Variants in SLC49A4 observed in about 807,000 individuals in gnomAD.
The protein encoded by SLC49A4 is disrupted in renal cancer protein 2.
Under a neutral mutation model 50.6 loss-of-function variants are expected in SLC49A4, and 36 were observed. The observed-to-expected ratio is 0.71, with a 90% CI of 0.55 to 0.94. The LOEUF (loss-of-function observed/expected upper bound fraction) is 0.94, where lower values mean the gene tolerates loss of function less well. SLC49A4 is among the 40% of genes least tolerant of loss of function. The pLI is 0.00. For missense variants in SLC49A4, 503 were observed against 605.7 expected (o/e 0.83, Z 1.78); for synonymous variants, 248 against 241.2 (o/e 1.03, Z -0.26).
intron 8 of SLC49A4, among the ~76,000 whole-genome samples, chr3:122,875,757 A>G (rs1254031116): frequency 1.3e-5 from 2 of 152,236 alleles, no homozygotes; most frequent in Non-Finnish European, 2.9e-5. Context: ...ACAGTGTGCT[A>G]TCTGATAAAT....
chr3:122,835,329 A>G (rs775553192), intron 4 of SLC49A4, among the ~76,000 whole-genome samples: 4 of 152,282 alleles, frequency 2.6e-5, no homozygotes, highest in Admixed American at 1.3e-4. Context: ...AAAAAAGAAA[A>G]CTACAGGCCA....
rs557579560 is a variant in SLC49A4 at position 122,836,895 on chromosome 3, C to T, written c.833+3449C>T. ...GGATACAAAATTAATGTACAAAAAT[C>T]ACAAGCATTCTTATACACCAATAGC... is the stretch of plus-strand genomic sequence containing the variant. On this transcript the variant is annotated intron_variant, in intron 4 of 8. Transcript: ENST00000261038. 3.9e-5 allele frequency among the ~76,000 whole-genome samples: 6 copies of T among 152,256 alleles called. No individual in the cohort carries two copies. The South Asian group carries it at 1.2e-3, about 32-fold the overall frequency.
chr3:122,823,412 T>C (rs185350840), intron 2 of SLC49A4, among the ~76,000 whole-genome samples: 174 of 152,368 alleles, frequency 1.1e-3, no homozygotes, highest in Non-Finnish European at 2.0e-3. Context: ...ACTCTTGTCA[T>C]AGGCAGCATA....
At chr3:122,822,531 C>T (rs1936468067) in intron 2 of SLC49A4, among the ~76,000 whole-genome samples, 1 of 152,192 alleles carries the variant, frequency 6.6e-6, no homozygotes, top group Non-Finnish European at 1.5e-5. Context: ...GAAACTGCTT[C>T]TACTCAGACC....
At chr3:122,828,876 T>C (rs1240554852) in intron 3 of SLC49A4, among the ~76,000 whole-genome samples, 1 of 152,204 alleles carries the variant, frequency 6.6e-6, no homozygotes, top group African/African-American at 2.4e-5. Context: ...AAGCAATGAT[T>C]GTATTTTTTA....
At chr3:122,827,235 A>T (rs555921096) in intron 3 of SLC49A4, among the ~76,000 whole-genome samples, 170 bp downstream of exon 3, 1 of 152,294 alleles carries the variant, frequency 6.6e-6, no homozygotes, top group South Asian at 2.1e-4. Context: ...GCTTAATTAA[A>T]ACTGAACACT....
chr3:122,869,945 A>G lies in SLC49A4; in HGVS notation c.1139-2470A>G, dbSNP rs563313999. Among the ~76,000 whole-genome samples, 21 of 152,320 alleles carry G rather than the reference A, an allele frequency of 1.4e-4. 1 individual carries two copies. The Middle Eastern group carries it at 0.017, about 123-fold the overall frequency. The stretch of plus-strand genomic sequence containing the variant: ...TCTTTGTACCATGCTTGATTTAAAA[A>G]ATCATTAAAGTCAAATCTCTCTTTT... On this transcript the variant is annotated intron_variant, in intron 7 of 8. Coordinates refer to ENST00000261038, the MANE Select transcript of SLC49A4 (RefSeq NM_032839.3).
intron 1 of SLC49A4, among the ~76,000 whole-genome samples, chr3:122,799,978 A>G (rs1391774832): frequency 1.3e-5 from 2 of 152,354 alleles, no homozygotes; most frequent in Non-Finnish European, 2.9e-5. Context: ...TGAAATGCCT[A>G]TTAGATACCC....
chr3:122,844,680 G>A (rs566239941), intron 4 of SLC49A4, among the ~76,000 whole-genome samples: 30 of 152,064 alleles, frequency 2.0e-4, no homozygotes, highest in African/African-American at 6.3e-4. Flanking sequence ...TCTTTGGGAG[G>A]CTGAGGCAGG....
intron 6 of SLC49A4, among the ~76,000 whole-genome samples, chr3:122,858,128 G>A (rs1937010660): frequency 6.6e-6 from 1 of 152,128 alleles, no homozygotes; most frequent in South Asian, 2.1e-4. Flanking sequence ...TGAGTGCTTT[G>A]GGTGATATTT....
intron 4 of SLC49A4, among the ~76,000 whole-genome samples, chr3:122,835,606 C>G (rs1212183325): frequency 6.6e-6 from 1 of 151,870 alleles, no homozygotes; most frequent in African/African-American, 2.4e-5. Flanking sequence ...AAGGGACATA[C>G]TTCAAAATAA....
At chr3:122,858,520 G>T (rs905256086) in intron 6 of SLC49A4, among the ~76,000 whole-genome samples, 2 of 152,062 alleles carry the variant, frequency 1.3e-5, no homozygotes, top group African/African-American at 4.8e-5. Context: ...TTAAGTCACT[G>T]GGCAAAAGTG....
Position 122,879,359 on chromosome 3 carries a change from A to G in SLC49A4, c.1418A>G (p.Asp473Gly). 1 of 1,613,540 alleles carries G rather than the reference A, an allele frequency of 6.2e-7. No individual in the cohort carries two copies. Among genetic ancestry groups the G allele is most frequent in the Non-Finnish European group, 8.5e-7 (1 of 1,179,622 alleles). Residue 473 changes from aspartate (D) to glycine (G), a missense_variant, in exon 9 of 9, where the codon GAT becomes GGT. Coordinates refer to ENST00000261038, the MANE Select transcript of SLC49A4 (RefSeq NM_032839.3). ...FRESYDRLYL[D>G]VVVSV ...GAATCCTATGACAGACTCTATCTTG[A>G]TGTGGTTGTCTCCGTTTAATAGCAC...
rs747509104 is a variant in SLC49A4 at position 122,860,174 on chromosome 3, C to T, written c.1110C>T (p.Asn370=). ...CGTGGTTCACCCTGACCTGTTTGAA[C>T]AGCATCACACACCTACCTTTAACCA... ...SSTWFTLTCL[N]SITHLPLTTV... The change falls in exon 7 of 9, where the codon AAC becomes AAT. Residue 370 remains asparagine (N), a synonymous_variant. Transcript: ENST00000261038. 1 of 1,609,780 alleles carries T rather than the reference C, an allele frequency of 6.2e-7. No individual in the cohort carries two copies.
intron 2 of SLC49A4, 120 bp downstream of exon 2, chr3:122,807,070 ATTAAT>A (rs766640057): frequency 3.6e-5 from 20 of 549,490 alleles, no homozygotes; most frequent in Admixed American, 7.5e-5. Context: ...CTATATGATG[ATTAAT>A]TTAATTGATA....
intron 7 of SLC49A4, among the ~76,000 whole-genome samples, chr3:122,866,037 A>G (rs920951850): frequency 1.3e-5 from 2 of 151,766 alleles, no homozygotes; most frequent in African/African-American, 2.4e-5. Flanking sequence ...TTTTTTGTTT[A>G]TTTGTTTTTC....
chr3:122,836,752 A>T (rs1396057658), intron 4 of SLC49A4, among the ~76,000 whole-genome samples: 11 of 152,196 alleles, frequency 7.2e-5, no homozygotes, highest in African/African-American at 2.7e-4. Context: ...GTATTCAATT[A>T]GGAAAAGAGG....
At chr3:122,821,481 A>T (rs1936451749) in intron 2 of SLC49A4, among the ~76,000 whole-genome samples, 1 of 152,236 alleles carries the variant, frequency 6.6e-6, no homozygotes, top group Non-Finnish European at 1.5e-5. Context: ...GGAGGCACAC[A>T]TCTGCTTCCT....
intron 7 of SLC49A4, among the ~76,000 whole-genome samples, chr3:122,868,102 G>A (rs1215354452): frequency 4.0e-5 from 6 of 151,020 alleles, no homozygotes; most frequent in East Asian, 1.9e-4. Context: ...GCAACAGAGC[G>A]AGACTCCGTC....
Sources: gnomAD v4.1 joint callset for allele counts (sites outside exome capture counted in the v4.1 genomes callset) on GRCh38, gnomAD v4.1.1 for gene constraint, MANE v1.5 for transcripts, NCBI Gene and HGNC (gene_info 2026-07-23, HGNC 2026-07-21) for gene names.